The following PTPRN2 variants were observed in gnomAD, a reference collection of about 807,000 sequenced individuals.
PTPRN2 encodes receptor-type tyrosine-protein phosphatase N2.
PTPRN2 carries 74 observed loss-of-function variants against 118.8 expected under a neutral mutation model. That is an observed-to-expected ratio of 0.62 (90% CI 0.52 to 0.76). PTPRN2 has a LOEUF of 0.76. Ranked by LOEUF, PTPRN2 falls within the 30% of genes least tolerant of loss-of-function variation. The pLI is 0.00. For synonymous variants in PTPRN2, 641 were observed against 608.0 expected, an observed-to-expected ratio of 1.05 and a Z score of -0.80; for missense variants, 1,481 against 1,394.4, an observed-to-expected ratio of 1.06 and a Z score of -0.99.
At chr7:158,205,078 C>T in intron 4 of PTPRN2, 93 bp downstream of exon 4, 1 of 1,087,658 alleles carries the variant, frequency 9.2e-7, no homozygotes, top group Non-Finnish European at 1.4e-6. Context: ...GGGTGCTTTG[C>T]TACATTAAAA....
chr7:157,549,298 T>C (rs1798475663), intron 21 of PTPRN2, among the ~76,000 whole-genome samples: 1 of 150,454 alleles, frequency 6.6e-6, no homozygotes, highest in African/African-American at 2.5e-5. Flanking sequence ...ACCAAAGCTG[T>C]ACTGGTTTTC....
chr7:158,261,156 C>T (rs1224319007), intron 3 of PTPRN2, among the ~76,000 whole-genome samples: 1 of 152,162 alleles, frequency 6.6e-6, no homozygotes, highest in Non-Finnish European at 1.5e-5. Flanking sequence ...CCAGCGCACC[C>T]CAGGACATGG....
At chr7:158,067,271 C>T (rs1810845520) in intron 11 of PTPRN2, among the ~76,000 whole-genome samples, 1 of 152,250 alleles carries the variant, frequency 6.6e-6, no homozygotes, top group Non-Finnish European at 1.5e-5. Context: ...GGGCCGTTTC[C>T]AATGCCTTGC....
At chr7:158,381,083 A>G (rs2151345340) in intron 2 of PTPRN2, among the ~76,000 whole-genome samples, 1 of 152,328 alleles carries the variant, frequency 6.6e-6, no homozygotes, top group Admixed American at 6.5e-5. Context: ...AGGGCCTGTG[A>G]TGGGAGGGGC....
At chr7:157,726,341 G>A (rs1409345759) in intron 12 of PTPRN2, among the ~76,000 whole-genome samples, 21 of 135,530 alleles carry the variant, frequency 1.5e-4, no homozygotes, top group African/African-American at 5.3e-4. Flanking sequence ...AGAGGAGTGT[G>A]GCCATACCCT....
intron 12 of PTPRN2, among the ~76,000 whole-genome samples, chr7:157,810,783 A>G (rs1418940668): frequency 2.7e-5 from 3 of 109,132 alleles, no homozygotes; most frequent in Admixed American, 1.9e-4. Context: ...GGCTCTCCAC[A>G]AGGACGGCAG....
chr7:157,613,041 G>C (rs1042624103), intron 15 of PTPRN2, among the ~76,000 whole-genome samples: 30 of 152,330 alleles, frequency 2.0e-4, no homozygotes, highest in Non-Finnish European at 3.2e-4. Flanking sequence ...TTCCGGCCTG[G>C]GTGGCCGGAG....
intron 9 of PTPRN2, among the ~76,000 whole-genome samples, chr7:158,129,934 C>G (rs530499419): frequency 7.2e-5 from 11 of 152,308 alleles, no homozygotes; most frequent in African/African-American, 2.4e-4. Flanking sequence ...AACGGGAAAG[C>G]TCATCCTGAC....
At chr7:158,388,765 A>T (rs1308621899) in intron 2 of PTPRN2, among the ~76,000 whole-genome samples, 2 of 152,126 alleles carry the variant, frequency 1.3e-5, no homozygotes, top group East Asian at 3.9e-4. Flanking sequence ...CCCACCCTGA[A>T]GCCAGCCAGG....
chr7:158,194,364 A>C lies in PTPRN2; in HGVS notation c.381-1869T>G, dbSNP rs112237036. On this transcript the variant is annotated intron_variant, in intron 4 of 22. Transcript: ENST00000389418. Reference sequence around the variant, plus strand: ...ATAAAAGAACGGGCATCACCATTAAAAAGATGGGCCAGTCTGGGGGCCCTT... The same window carrying C: ...ATAAAAGAACGGGCATCACCATTAACAAGATGGGCCAGTCTGGGGGCCCTT... Among the ~76,000 whole-genome samples, 1,229 of 152,340 alleles carry C rather than the reference A, an allele frequency of 8.1e-3. 15 individuals carry two copies. Among genetic ancestry groups the C allele is most frequent in the African/African-American group, 0.023 (977 of 41,582 alleles).
At chr7:158,403,423 G>T (rs1169511680) in intron 2 of PTPRN2, among the ~76,000 whole-genome samples, 3 of 152,206 alleles carry the variant, frequency 2.0e-5, no homozygotes, top group African/African-American at 7.2e-5. Context: ...CAGCAACCCT[G>T]GACAGGCCCG....
chr7:158,299,449 C>T (rs893882750), intron 3 of PTPRN2, among the ~76,000 whole-genome samples: 3 of 152,170 alleles, frequency 2.0e-5, no homozygotes, highest in East Asian at 3.9e-4. Context: ...AGGTGCATGC[C>T]ACCACATCCG....
At chr7:158,390,351 G>A (rs573915979) in intron 2 of PTPRN2, among the ~76,000 whole-genome samples, 9 of 152,324 alleles carry the variant, frequency 5.9e-5, no homozygotes, top group South Asian at 2.1e-4. Context: ...GCACTAAGTC[G>A]CAGCCGAACC....
At chr7:157,656,206 G>C (rs1358649693) in intron 14 of PTPRN2, 151 bp downstream of exon 14, 4 of 725,448 alleles carry the variant, frequency 5.5e-6, no homozygotes, top group South Asian at 2.0e-5. Context: ...CCTGCAGAAA[G>C]AGCCCTGCCT....
chr7:158,357,248 T>C (rs1040811114), intron 2 of PTPRN2, among the ~76,000 whole-genome samples: 4 of 152,344 alleles, frequency 2.6e-5, no homozygotes, highest in Admixed American at 2.6e-4. Context: ...CGCCCGGCAG[T>C]GGGTGCCCGG....
intron 6 of PTPRN2, among the ~76,000 whole-genome samples, chr7:158,148,554 C>T (rs1189010379): frequency 4.8e-4 from 59 of 123,920 alleles, no homozygotes; most frequent in Non-Finnish European, 7.4e-4. Context: ...CCCTCACTGA[C>T]ACCCCATCTC....
At chr7:157,555,272 G>T (rs1419591328) in intron 21 of PTPRN2, among the ~76,000 whole-genome samples, 3 of 151,348 alleles carry the variant, frequency 2.0e-5, no homozygotes, top group Admixed American at 6.6e-5. Flanking sequence ...ACAACAGAGG[G>T]TTTTTTTTTA....
chr7:157,747,797 GCT>G (rs2150976774), intron 12 of PTPRN2, among the ~76,000 whole-genome samples: 1 of 130,866 alleles, frequency 7.6e-6, no homozygotes, highest in Non-Finnish European at 1.6e-5. Context: ...TGAGCTGTGG[GCT>G]GTTGAGGTGA....
chr7:157,944,424 G>A lies in PTPRN2; in HGVS notation c.1724-45687C>T, dbSNP rs1380036512. Among the ~76,000 whole-genome samples, 1 of 152,188 alleles carries A rather than the reference G, an allele frequency of 6.6e-6. No individual in the cohort carries two copies. The highest frequency in any genetic ancestry group is 1.5e-5 in the Non-Finnish European group (1 of 68,038). On this transcript the variant is annotated intron_variant, in intron 11 of 22. Coordinates refer to ENST00000389418, the MANE Select transcript of PTPRN2 (RefSeq NM_002847.5). The surrounding 1 kb of genome is among the most constrained non-coding windows in gnomAD (Gnocchi z 4.3). ...TTCATTTGAATTAATGTGTTAAGTG[G>A]CACAAATATGTGTTTATCGAGAGAA... is the stretch of plus-strand genomic sequence containing the variant.
Sources: allele counts gnomAD v4.1 joint callset (sites outside exome capture counted in the v4.1 genomes callset), GRCh38; gene constraint gnomAD v4.1.1; non-coding constraint Gnocchi (gnomAD v3.1); transcripts MANE v1.5; gene names NCBI Gene and HGNC (gene_info 2026-07-23, HGNC 2026-07-21).